Variants in MARCHF1 observed in about 807,000 individuals in gnomAD.
The protein encoded by MARCHF1 is membrane associated ring-CH-type finger 1, also known as E3 ubiquitin-protein ligase MARCHF1.
In MARCHF1, 40 loss-of-function variants were observed where a neutral mutation model predicts 54.2. That is an observed-to-expected ratio of 0.74 (90% CI 0.57 to 0.96). The LOEUF (loss-of-function observed/expected upper bound fraction) is 0.96. Among genes scored for constraint, MARCHF1 ranks in the 40% least tolerant of loss-of-function variants. The pLI is 0.00. For synonymous variants in MARCHF1, 236 were observed against 236.3 expected (o/e 1.00, Z 0.01); for missense variants, 586 against 656.5 (o/e 0.89, Z 1.17).
At chr4:164,220,910 T>C (rs929337017) in intron 1 of MARCHF1, among the ~76,000 whole-genome samples, 3 of 151,798 alleles carry the variant, frequency 2.0e-5, no homozygotes, top group African/African-American at 4.8e-5. Context: ...GTAGTAGACA[T>C]TGAATAATGT....
At chr4:163,674,611 C>T (rs1290426919) in intron 5 of MARCHF1, among the ~76,000 whole-genome samples, 2 of 152,152 alleles carry the variant, frequency 1.3e-5, no homozygotes, top group African/African-American at 4.8e-5. Flanking sequence ...ACCCCTAGTG[C>T]CAGTGACTGC....
intron 1 of MARCHF1, among the ~76,000 whole-genome samples, chr4:164,234,289 T>C (rs926259687): frequency 2.0e-5 from 3 of 152,174 alleles, no homozygotes; most frequent in African/African-American, 4.8e-5. Context: ...TATAGACTTA[T>C]GTATGATATG....
chr4:163,623,034 A>G (rs145878255), intron 5 of MARCHF1, among the ~76,000 whole-genome samples: 13 of 152,328 alleles, frequency 8.5e-5, no homozygotes, highest in African/African-American at 2.4e-4. Context: ...GAGTTGGAAT[A>G]ATGACTGTCA....
chr4:163,613,153 A>G, intron 6 of MARCHF1, 115 bp from the exon 7 acceptor site: 4 of 1,242,800 alleles, frequency 3.2e-6, no homozygotes, highest in Non-Finnish European at 4.3e-6. Context: ...ATAAATAAAG[A>G]TCAACTGAAG....
intron 9 of MARCHF1, among the ~76,000 whole-genome samples, chr4:163,545,104 G>T (rs763060656): frequency 1.3e-5 from 2 of 152,052 alleles, no homozygotes; most frequent in African/African-American, 4.8e-5. Context: ...ATCAAACTTC[G>T]CATGGCTAAA....
At chr4:164,090,295 C>T (rs928336996) in intron 2 of MARCHF1, among the ~76,000 whole-genome samples, 4 of 151,724 alleles carry the variant, frequency 2.6e-5, no homozygotes, top group African/African-American at 9.7e-5. Flanking sequence ...GGGATTCAAA[C>T]TATTTGGAAA....
intron 4 of MARCHF1, among the ~76,000 whole-genome samples, chr4:163,747,869 A>T (rs2110763965): frequency 6.6e-6 from 1 of 152,332 alleles, no homozygotes; most frequent in African/African-American, 2.4e-5. Flanking sequence ...TGAAATGAGT[A>T]CTCAGACACA....
intron 1 of MARCHF1, chr4:164,383,377 TC>T (rs1731432060): frequency 6.6e-6 from 1 of 152,352 alleles, no homozygotes; most frequent in South Asian, 2.1e-4. Context: ...CCCTGTGTCT[TC>T]CGTACTCAGC....
At chr4:163,793,403 T>A (rs1747822836) in intron 4 of MARCHF1, among the ~76,000 whole-genome samples, 1 of 152,174 alleles carries the variant, frequency 6.6e-6, no homozygotes, top group African/African-American at 2.4e-5. Flanking sequence ...AGATAGGGCC[T>A]CAAAGGAAGG....
chr4:163,813,374 C>T (rs568302582), intron 4 of MARCHF1, among the ~76,000 whole-genome samples: 1 of 152,236 alleles, frequency 6.6e-6, no homozygotes, highest in East Asian at 1.9e-4. Context: ...ATTTTATTAT[C>T]CTGGTTGGTT....
intron 3 of MARCHF1, among the ~76,000 whole-genome samples, chr4:163,930,266 A>G (rs1229514400): frequency 6.6e-6 from 1 of 151,522 alleles, no homozygotes; most frequent in Non-Finnish European, 1.5e-5. Context: ...ATATTTTCAA[A>G]CCTTAGAAGT....
intron 1 of MARCHF1, among the ~76,000 whole-genome samples, chr4:164,186,864 T>C (rs6833751): frequency 0.84 from 128,458 of 152,182 alleles, 54,706 homozygotes; most frequent in Non-Finnish European, 0.89. Flanking sequence ...AATCCCAAAA[T>C]TAGAGAGGAA....
chr4:164,134,293 G>T (rs972245297), intron 1 of MARCHF1, among the ~76,000 whole-genome samples: 19 of 152,078 alleles, frequency 1.2e-4, no homozygotes, highest in Middle Eastern at 3.4e-3. Flanking sequence ...CAATCCCAAG[G>T]GTTATTTTAA....
intron 2 of MARCHF1, among the ~76,000 whole-genome samples, chr4:164,064,689 A>G (rs540222436): frequency 7.9e-4 from 121 of 152,238 alleles, no homozygotes; most frequent in African/African-American, 2.8e-3. Flanking sequence ...ACTTTGTTGA[A>G]TAGGAGTGGT....
intron 5 of MARCHF1, among the ~76,000 whole-genome samples, chr4:163,692,739 G>A (rs1398234689): frequency 1.3e-5 from 2 of 151,272 alleles, no homozygotes; most frequent in Admixed American, 6.6e-5. Context: ...AAGGATGATT[G>A]TTTCCACCAT....
chr4:163,988,917 A>C (rs1490625810), intron 2 of MARCHF1: 1 of 152,198 alleles, frequency 6.6e-6, no homozygotes, highest in African/African-American at 2.4e-5. Context: ...CCCTAAGAGC[A>C]TTGTGGGAGA....
At chr4:164,328,335 C>T (rs1455670268) in intron 1 of MARCHF1, among the ~76,000 whole-genome samples, 1 of 151,952 alleles carries the variant, frequency 6.6e-6, no homozygotes, top group Non-Finnish European at 1.5e-5. Context: ...TACAGTTCTA[C>T]AACTGTATAT....
At chr4:163,975,851 A>T (rs1384821426) in intron 3 of MARCHF1, among the ~76,000 whole-genome samples, 1 of 152,140 alleles carries the variant, frequency 6.6e-6, no homozygotes, top group African/African-American at 2.4e-5. Context: ...TTTTCTAACA[A>T]ACTGGATTAT....
intron 2 of MARCHF1, among the ~76,000 whole-genome samples, chr4:163,995,462 G>T (rs1052987911): frequency 6.6e-6 from 1 of 151,842 alleles, no homozygotes; most frequent in Non-Finnish European, 1.5e-5. Flanking sequence ...TTGGAGGAGG[G>T]GTTGGGCTAA....
Sources: gnomAD v4.1 joint callset for allele counts (sites outside exome capture counted in the v4.1 genomes callset) on GRCh38, gnomAD v4.1.1 for gene constraint, MANE v1.5 for transcripts, NCBI Gene and HGNC (gene_info 2026-07-23, HGNC 2026-07-21) for gene names.